The following SPATA7 variants were observed in gnomAD, a reference collection of about 807,000 sequenced individuals.
SPATA7 encodes the protein spermatogenesis-associated protein 7.
In SPATA7, 43 loss-of-function variants were observed where a neutral mutation model predicts 51.8. That is an observed-to-expected ratio of 0.83 (90% confidence interval 0.65 to 1.07). The LOEUF (loss-of-function observed/expected upper bound fraction) is 1.07, where lower values mean the gene tolerates loss of function less well. Ranked by LOEUF, SPATA7 falls within the 50% of genes least tolerant of loss-of-function variation. The pLI is 0.00. For missense variants in SPATA7, 683 were observed against 701.3 expected, an observed-to-expected ratio of 0.97 and a Z score of 0.30; for synonymous variants, 230 against 252.8, an observed-to-expected ratio of 0.91 and a Z score of 0.86.
intron 4 of SPATA7, chr14:88,468,397 G>T: frequency 1.2e-6 from 1 of 865,314 alleles, no homozygotes; most frequent in Non-Finnish European, 1.7e-6. Context: ...GCGTCTTCTA[G>T]AAATAAGCCA....
chr14:88,410,361 T>G (rs2076307264), intron 4 of SPATA7, among the ~76,000 whole-genome samples: 1 of 152,200 alleles, frequency 6.6e-6, no homozygotes, highest in South Asian at 2.1e-4. Flanking sequence ...CTTTGTCTTT[T>G]TTTTATCTTT....
chr14:88,411,934 C>A (rs1489165531), intron 4 of SPATA7, among the ~76,000 whole-genome samples: 1 of 152,074 alleles, frequency 6.6e-6, no homozygotes, highest in Non-Finnish European at 1.5e-5. Context: ...TCAAACTTTC[C>A]TCAGTGGCTC....
At chr14:88,419,492 T>C (rs924763629) in intron 5 of SPATA7, among the ~76,000 whole-genome samples, 3 of 151,534 alleles carry the variant, frequency 2.0e-5, no homozygotes, top group African/African-American at 7.3e-5. Context: ...TTTAGGTTAG[T>C]ATTTGGTGGG....
At chr14:88,448,751 G>A (rs1235217443) in intron 3 of SPATA7, among the ~76,000 whole-genome samples, 1 of 152,084 alleles carries the variant, frequency 6.6e-6, no homozygotes, top group East Asian at 1.9e-4. Flanking sequence ...GCCGTGTGAG[G>A]TGTCAGTCTG....
At chr14:88,422,465 G>T (rs1378699559) in intron 5 of SPATA7, among the ~76,000 whole-genome samples, 1 of 151,616 alleles carries the variant, frequency 6.6e-6, no homozygotes, top group Non-Finnish European at 1.5e-5. Flanking sequence ...TTTAAAATTT[G>T]TTTCTATTAT....
In SPATA7 at chr14:88,426,313, CCCTCT is replaced by C; in HGVS notation, c.455_459del (p.Pro152LeufsTer10). 1.2e-6 allele frequency: 2 copies of C among 1,613,954 alleles called. No homozygotes were observed. The highest frequency in any genetic ancestry group is 1.7e-6 in the Non-Finnish European group (2 of 1,179,912). ...TTCATCCTTTGCAAGGTCACTAGTA[CCCTCT>C]TCAGAGAGACTACACCTAAGTCTAC... is the stretch of plus-strand genomic sequence containing the variant. On this transcript the variant is annotated frameshift_variant, in exon 6 of 12. Coordinates refer to ENST00000393545, the MANE Select transcript of SPATA7 (RefSeq NM_018418.5). LOFTEE classifies it high-confidence loss of function.
intron 4 of SPATA7, among the ~76,000 whole-genome samples, chr14:88,461,794 G>A (rs865967221): frequency 2.6e-5 from 4 of 152,160 alleles, no homozygotes; most frequent in African/African-American, 9.7e-5. Flanking sequence ...TGTCTTCTGC[G>A]TCACTCGCGC....
intron 10 of SPATA7, among the ~76,000 whole-genome samples, chr14:88,435,942 G>A (rs1868913734): frequency 1.3e-5 from 2 of 152,070 alleles, no homozygotes; most frequent in African/African-American, 4.8e-5. Context: ...GGGATTGCTG[G>A]AACATATGGT....
intron 4 of SPATA7, among the ~76,000 whole-genome samples, chr14:88,411,009 G>GGGAGACA (rs202052687): frequency 0.035 from 5,351 of 152,254 alleles, 305 homozygotes; most frequent in African/African-American, 0.12. Flanking sequence ...CTCTGTCCCA[G>GGGAGACA]GGAGTTTTAT....
At chr14:88,397,107 C>G (rs1401449291) in intron 4 of SPATA7, among the ~76,000 whole-genome samples, 1 of 152,146 alleles carries the variant, frequency 6.6e-6, no homozygotes, top group African/African-American at 2.4e-5. Context: ...CCAGGCTTGT[C>G]TCAAACTCCT....
At chr14:88,408,668 G>T (rs1327638469) in intron 4 of SPATA7, among the ~76,000 whole-genome samples, 2 of 152,164 alleles carry the variant, frequency 1.3e-5, no homozygotes, top group African/African-American at 2.4e-5. Context: ...ATGAGAGAGG[G>T]CATCCTTGTC....
chr14:88,423,519 G>C (rs556944057), intron 5 of SPATA7, among the ~76,000 whole-genome samples: 95 of 151,368 alleles, frequency 6.3e-4, no homozygotes, highest in African/African-American at 2.2e-3. Flanking sequence ...TCAGGCCACT[G>C]CACTCCAGCC....
chr14:88,386,166 C>A (rs1000821982), intron 1 of SPATA7: 11 of 637,944 alleles, frequency 1.7e-5, no homozygotes, highest in Non-Finnish European at 2.7e-5. Context: ...GTCAGACCTC[C>A]CCGGGCCCCA....
chr14:88,443,015 C>T (rs2140037808), downstream of SPATA7, among the ~76,000 whole-genome samples: 1 of 149,558 alleles, frequency 6.7e-6, no homozygotes, highest in Admixed American at 6.7e-5. Flanking sequence ...GATCTCAGCT[C>T]ACTGCTGCAA....
chr14:88,406,702 G>A (rs2076209493), intron 4 of SPATA7: 1 of 152,076 alleles, frequency 6.6e-6, no homozygotes, highest in Admixed American at 6.6e-5. Flanking sequence ...TGCCATGGTG[G>A]TTTGCTGCAC....
At chr14:88,436,613 T>C (rs2077094910) in intron 10 of SPATA7, among the ~76,000 whole-genome samples, 1 of 152,170 alleles carries the variant, frequency 6.6e-6, no homozygotes, top group African/African-American at 2.4e-5. Context: ...TGGTGAGAGA[T>C]AGGGGTCTAG....
In SPATA7 at chr14:88,469,648, G is replaced by A. The variant is rs369940914; in HGVS notation, c.255-199G>A. On this transcript the variant is annotated intron_variant, in intron 4 of 4. Transcript: ENST00000556406. The surrounding 1 kb of genome is among the most constrained non-coding windows in gnomAD (Gnocchi z 4.3). The stretch of plus-strand genomic sequence containing the variant: ...GCCAGAGTCTGTGCGGAACCGGGTC[G>A]TGATCTTAAACCTTCCATAGGTGAC... 1.4e-5 allele frequency: 22 copies of A among 1,614,012 alleles called. No individual in the cohort carries two copies. The highest frequency in any genetic ancestry group is 1.6e-4 in the Middle Eastern group (1 of 6,084).
downstream of SPATA7, among the ~76,000 whole-genome samples, chr14:88,455,848 G>T (rs1359653917): frequency 1.3e-5 from 2 of 151,464 alleles, no homozygotes. Flanking sequence ...TTTACATTAG[G>T]TATATCTCCT....
At chr14:88,428,984 GAC>G in intron 7 of SPATA7, 1 of 218,610 alleles carries the variant, frequency 4.6e-6, no homozygotes, top group African/African-American at 2.4e-5. Flanking sequence ...CTACATATTT[GAC>G]ATGTTGGCAT....
Sources: allele counts gnomAD v4.1 joint callset (sites outside exome capture counted in the v4.1 genomes callset), GRCh38; gene constraint gnomAD v4.1.1; non-coding constraint Gnocchi (gnomAD v3.1); transcripts MANE v1.5; gene names NCBI Gene and HGNC (gene_info 2026-07-23, HGNC 2026-07-21).